Variants in GAB2 observed in about 807,000 individuals in gnomAD.
The protein encoded by GAB2 is GRB2-associated-binding protein 2.
In GAB2, 26 loss-of-function variants were observed where a neutral mutation model predicts 65.5. The observed-to-expected ratio is 0.40, with a 90% CI of 0.29 to 0.55. The LOEUF (loss-of-function observed/expected upper bound fraction) is 0.55, where lower values mean the gene tolerates loss of function less well. GAB2 is among the 20% of genes least tolerant of loss of function. GAB2 has a pLI of 0.53. For missense variants in GAB2, 884 were observed against 875.8 expected, an observed-to-expected ratio of 1.01 and a Z score of -0.12; for synonymous variants, 321 against 329.6, an observed-to-expected ratio of 0.97 and a Z score of 0.28.
chr11:78,226,828 G>C lies in GAB2; in HGVS notation c.844C>G (p.Leu282Val), dbSNP rs747478613. 1 of 1,614,054 alleles carries C rather than the reference G, an allele frequency of 6.2e-7. No homozygotes were observed. Among genetic ancestry groups the C allele is most frequent in the Non-Finnish European group, 8.5e-7 (1 of 1,179,900 alleles). Residue 282 changes from leucine (L) to valine (V), a missense_variant, in exon 4 of 10, where the codon CTC becomes GTC. Coordinates refer to ENST00000361507, the MANE Select transcript of GAB2 (RefSeq NM_080491.3). ...TCATTATCTGTCTCGGAGCCTGTGA[G>C]GCTGCCCTTGGTGTGGCCATGGGAG... ...LASHGHTKGS[L>V]TGSETDNEDV... is the part of the protein sequence containing the mutation.
At chr11:78,312,732 T>C (rs1305300071) in intron 1 of GAB2, among the ~76,000 whole-genome samples, 1 of 152,162 alleles carries the variant, frequency 6.6e-6, no homozygotes, top group African/African-American at 2.4e-5. Context: ...CCTGGCCTAT[T>C]ATCCAATTTT....
At position 78,242,319 on chromosome 11, in the gene GAB2, G is replaced by A. The variant is rs566921103; in HGVS notation, c.620+7838C>T. Reference sequence around the variant, plus strand: ...AGATCGAGACCAACCTGGCTAACACGGTGAAACCCCATCTCTACTAAAAAT... The same window carrying A: ...AGATCGAGACCAACCTGGCTAACACAGTGAAACCCCATCTCTACTAAAAAT... On this transcript the variant is annotated intron_variant, in intron 3 of 9. Transcript: ENST00000361507. Among the ~76,000 whole-genome samples the A allele has an allele frequency of 6.3e-4, 96 of 152,130 alleles. 1 individual carries two copies. The highest frequency in any genetic ancestry group is 3.4e-3 in the Middle Eastern group (1 of 294).
At chr11:78,337,218 G>A (rs556301736) in intron 1 of GAB2, among the ~76,000 whole-genome samples, 13 of 152,304 alleles carry the variant, frequency 8.5e-5, no homozygotes, top group South Asian at 2.1e-4. Context: ...GCTTCTCAGC[G>A]TAGATTTCAG....
At chr11:78,292,234 T>C (rs1866702367) in intron 1 of GAB2, among the ~76,000 whole-genome samples, 1 of 152,204 alleles carries the variant, frequency 6.6e-6, no homozygotes, top group South Asian at 2.1e-4. Context: ...TTTTTGGTTT[T>C]ACCCTCTTCA....
At chr11:78,243,625 G>A (rs1344483254) in intron 3 of GAB2, among the ~76,000 whole-genome samples, 1 of 151,836 alleles carries the variant, frequency 6.6e-6, no homozygotes, top group Non-Finnish European at 1.5e-5. Context: ...CAGATCACGA[G>A]GTCAGGGGAT....
chr11:78,250,038 C>T (rs1424177374), intron 3 of GAB2, 119 bp downstream of exon 3: 18 of 1,029,288 alleles, frequency 1.7e-5, no homozygotes, highest in South Asian at 7.3e-5. Flanking sequence ...TTGTCATAGA[C>T]GTGTTTGTCT....
intron 1 of GAB2, among the ~76,000 whole-genome samples, chr11:78,322,809 A>C (rs190743937): frequency 1.2e-3 from 188 of 152,042 alleles, no homozygotes; most frequent in Non-Finnish European, 2.1e-3. Flanking sequence ...AAAAAAAAAA[A>C]AAAACAACAA....
chr11:78,414,895 G>A (rs1468411207), intron 1 of GAB2, among the ~76,000 whole-genome samples: 3 of 152,092 alleles, frequency 2.0e-5, no homozygotes, highest in Non-Finnish European at 4.4e-5. Context: ...TCTTTGAAAT[G>A]GAGTCTCGTT....
At chr11:78,298,144 A>T (rs1426168076) in intron 1 of GAB2, among the ~76,000 whole-genome samples, 1 of 152,196 alleles carries the variant, frequency 6.6e-6, no homozygotes, top group Non-Finnish European at 1.5e-5. Flanking sequence ...GCCCAGATAG[A>T]CTACTGCTCA....
rs77181647 is a variant in GAB2, at chr11:78,336,727, T to C, written c.76-55826A>G. On this transcript the variant is annotated intron_variant, in intron 1 of 9. Transcript: ENST00000361507. ...GTGCCACAGCTGACATTTTATTTGC[T>C]AAATTTCAACAATAACCATCATCAA... 1.4e-4 allele frequency among the ~76,000 whole-genome samples: 22 copies of C among 152,314 alleles called. No homozygotes were observed. In the East Asian group the frequency reaches 4.0e-3, roughly 28 times the overall value.
chr11:78,377,451 T>C (rs1247656159), intron 1 of GAB2, among the ~76,000 whole-genome samples: 1 of 152,132 alleles, frequency 6.6e-6, no homozygotes, highest in East Asian at 1.9e-4. Flanking sequence ...AAAGGCCCCA[T>C]CTCCAAATTC....
At chr11:78,283,992 T>C (rs1316754307) in intron 1 of GAB2, among the ~76,000 whole-genome samples, 1 of 151,956 alleles carries the variant, frequency 6.6e-6, no homozygotes, top group African/African-American at 2.4e-5. Flanking sequence ...AGCCCTAGAG[T>C]TGTATATCCA....
intron 3 of GAB2, among the ~76,000 whole-genome samples, chr11:78,241,517 A>G (rs1358859588): frequency 2.0e-5 from 3 of 152,250 alleles, no homozygotes; most frequent in Non-Finnish European, 4.4e-5. Context: ...AATGACCTTA[A>G]GAAAACTCAA....
rs1180165470 is a variant in GAB2, at chr11:78,346,710, TATATATATATAA to T, written c.76-65821_76-65810del. ...ATATATATATATATATATATATATA[TATATATATATAA>T]TTTTTTTTTTTTTTAGGAAAAGAAA... On this transcript the variant is annotated intron_variant, in intron 1 of 9. Transcript: ENST00000361507. Among the ~76,000 whole-genome samples, 198 of 86,362 alleles carry T rather than the reference TATATATATATAA, an allele frequency of 2.3e-3. 3 individuals are homozygous for T. Among genetic ancestry groups the T allele is most frequent in the Non-Finnish European group, 2.1e-3 (104 of 48,716 alleles). 56.7% of individuals were successfully genotyped at this position (86,362 alleles called of 152,430 possible).
chr11:78,302,432 TG>T (rs1363037402), intron 1 of GAB2, among the ~76,000 whole-genome samples: 1 of 151,440 alleles, frequency 6.6e-6, no homozygotes, highest in African/African-American at 2.4e-5. Context: ...TATGAAAAAA[TG>T]CTCAACGTCA....
intron 1 of GAB2, among the ~76,000 whole-genome samples, chr11:78,306,852 G>A (rs972759882): frequency 2.0e-5 from 3 of 152,106 alleles, no homozygotes; most frequent in Non-Finnish European, 2.9e-5. Context: ...TTCCTTGTTC[G>A]TAAAATAGAT....
intron 1 of GAB2, among the ~76,000 whole-genome samples, chr11:78,317,931 T>C (rs1420011674): frequency 6.6e-6 from 1 of 152,150 alleles, no homozygotes; most frequent in East Asian, 1.9e-4. Flanking sequence ...ACATTGAAGG[T>C]AAAAGAACTT....
At chr11:78,272,046 T>C (rs577314478) in intron 2 of GAB2, among the ~76,000 whole-genome samples, 177 of 152,346 alleles carry the variant, frequency 1.2e-3, no homozygotes, top group African/African-American at 4.0e-3. Context: ...CCTTCTGCCA[T>C]CATTGTGAGG....
At chr11:78,225,454 C>T (rs1411848510) in intron 4 of GAB2, among the ~76,000 whole-genome samples, 2 of 152,198 alleles carry the variant, frequency 1.3e-5, no homozygotes, top group East Asian at 3.8e-4. Flanking sequence ...ATCTATGCAC[C>T]TCTCCTTTGA....
Sources: gnomAD v4.1 joint callset for allele counts (sites outside exome capture counted in the v4.1 genomes callset) on GRCh38, gnomAD v4.1.1 for gene constraint, MANE v1.5 for transcripts, NCBI Gene and HGNC (gene_info 2026-07-23, HGNC 2026-07-21) for gene names.